Variants in MYO3B observed in about 807,000 individuals in gnomAD.
MYO3B encodes myosin IIIB, also known as myosin-IIIb.
MYO3B carries 156 observed loss-of-function variants against 174.6 expected under a neutral mutation model. That is an observed-to-expected ratio of 0.89 (90% CI 0.78 to 1.02). The LOEUF is 1.02. Ranked by LOEUF, MYO3B falls within the 50% of genes least tolerant of loss-of-function variation. The probability of loss-of-function intolerance (pLI) is 0.00; values close to 1 mark genes in which losing one functional copy is unlikely to be tolerated. For missense variants in MYO3B, 1,632 were observed against 1,639.4 expected, an observed-to-expected ratio of 1.00 and a Z score of 0.08; for synonymous variants, 563 against 569.1, an observed-to-expected ratio of 0.99 and a Z score of 0.15.
At chr2:170,289,362 A>G (rs2093579775) in intron 7 of MYO3B, among the ~76,000 whole-genome samples, 1 of 152,014 alleles carries the variant, frequency 6.6e-6, no homozygotes, top group South Asian at 2.1e-4. Context: ...CTTTGATGGG[A>G]AACTTTATTA....
At chr2:170,294,284 C>A (rs995468792) in intron 7 of MYO3B, among the ~76,000 whole-genome samples, 1 of 151,258 alleles carries the variant, frequency 6.6e-6, no homozygotes. Context: ...TTGCAGACAG[C>A]CCAATTTTTG....
chr2:170,181,951 G>A (rs542822578), intron 1 of MYO3B, among the ~76,000 whole-genome samples: 1 of 152,192 alleles, frequency 6.6e-6, no homozygotes, highest in East Asian at 1.9e-4. Context: ...TATCTCATTA[G>A]TTTGATTTGC....
intron 8 of MYO3B, among the ~76,000 whole-genome samples, chr2:170,345,763 C>G (rs927832358): frequency 2.0e-5 from 3 of 150,172 alleles, no homozygotes; most frequent in Admixed American, 1.3e-4. Context: ...AAGATGAGGT[C>G]ATACTGGAGT....
At position 170,382,300 on chromosome 2, in the gene MYO3B, G is replaced by T. The variant is rs1432050828; in HGVS notation, c.1068+188G>T. 1.5e-5 allele frequency: 7 copies of T among 456,492 alleles called. No homozygotes were observed. In the East Asian group the frequency reaches 1.8e-4, roughly 12 times the overall value. 28.3% of individuals were successfully genotyped at this position (456,492 alleles called of 1,614,324 possible). A position where few individuals can be genotyped will look rare whatever the true frequency, so the allele number is the denominator to read the frequency against. On this transcript the variant is annotated intron_variant, in intron 10 of 34. Transcript: ENST00000408978. ...ATCCTGTGCTGTGTTTATTTAGATA[G>T]CCCCTAGAATGATGAAGAGAAAAGG...
At chr2:170,383,909 C>A in intron 12 of MYO3B, 95 bp downstream of exon 12, 1 of 1,034,820 alleles carries the variant, frequency 9.7e-7, no homozygotes, top group Non-Finnish European at 1.5e-6. Flanking sequence ...CCTTTCCATT[C>A]CGGTTGCTGG....
intron 24 of MYO3B, among the ~76,000 whole-genome samples, chr2:170,463,856 C>T (rs140850893): frequency 1.8e-3 from 278 of 152,278 alleles, no homozygotes; most frequent in African/African-American, 6.5e-3. Flanking sequence ...TTTCTGCCAT[C>T]CCTATTTCTG....
intron 30 of MYO3B, among the ~76,000 whole-genome samples, chr2:170,533,830 T>C (rs1165501816): frequency 2.0e-5 from 3 of 152,236 alleles, no homozygotes; most frequent in African/African-American, 7.2e-5. Flanking sequence ...TATTTTGTTC[T>C]GCCCAGGAGA....
chr2:170,356,804 G>A (rs894193721), intron 8 of MYO3B, among the ~76,000 whole-genome samples: 10 of 151,544 alleles, frequency 6.6e-5, no homozygotes, highest in African/African-American at 2.2e-4. Context: ...TTAAGACAAG[G>A]TCTCACCCTG....
At chr2:170,308,276 C>T (rs554942217) in intron 7 of MYO3B, among the ~76,000 whole-genome samples, 3 of 152,290 alleles carry the variant, frequency 2.0e-5, no homozygotes, top group South Asian at 2.1e-4. Context: ...CTGTAGGCAG[C>T]GCCCTTTGGA....
At chr2:170,312,220 G>C (rs1339751216) in intron 7 of MYO3B, among the ~76,000 whole-genome samples, 4 of 152,218 alleles carry the variant, frequency 2.6e-5, no homozygotes, top group Admixed American at 2.6e-4. Flanking sequence ...TACAGTTCAG[G>C]TTTGTTGTGA....
Position 170,391,637 on chromosome 2 carries a change from G to A in MYO3B, c.1676+19G>A, listed in dbSNP as rs148575608. 43 of 1,422,140 alleles carry A rather than the reference G, an allele frequency of 3.0e-5. No individual in the cohort carries two copies. The highest frequency in any genetic ancestry group is 1.8e-4 in the Middle Eastern group (1 of 5,676). The allele number at this position is 1,422,140 out of a possible 1,614,324, so 88.1% of individuals were successfully genotyped here. A position where few individuals can be genotyped will look rare whatever the true frequency, so the allele number is the denominator to read the frequency against. Reference sequence around the variant, plus strand: ...CTCCTAGGTAAGTGTCAGGGGGGTTGGTTGTTAATTTTTGATGAATGTACG... The same window carrying A: ...CTCCTAGGTAAGTGTCAGGGGGGTTAGTTGTTAATTTTTGATGAATGTACG... On this transcript the variant is annotated intron_variant, in intron 15 of 34. Transcript: ENST00000408978.
intron 22 of MYO3B, among the ~76,000 whole-genome samples, chr2:170,427,385 A>G (rs2094673092): frequency 6.6e-6 from 1 of 152,358 alleles, no homozygotes; most frequent in South Asian, 2.1e-4. Context: ...CATAAAGCCA[A>G]GGTCTCCAAA....
intron 32 of MYO3B, among the ~76,000 whole-genome samples, chr2:170,572,782 A>G (rs951240279): frequency 2.0e-5 from 3 of 152,160 alleles, no homozygotes; most frequent in African/African-American, 7.2e-5. Context: ...AATATCTACA[A>G]ATATGTTTTG....
chr2:170,417,118 A>C (rs1333656177), intron 22 of MYO3B, among the ~76,000 whole-genome samples: 1 of 152,020 alleles, frequency 6.6e-6, no homozygotes, highest in African/African-American at 2.4e-5. Flanking sequence ...CCAGATCTTT[A>C]TGGGTCCATC....
intron 25 of MYO3B, among the ~76,000 whole-genome samples, chr2:170,476,384 C>A (rs1685322953): frequency 6.6e-6 from 1 of 152,168 alleles, no homozygotes; most frequent in South Asian, 2.1e-4. Context: ...TTTCTGTATC[C>A]CAAGCTCTTG....
At chr2:170,648,958 T>C (rs1466101106) in intron 32 of MYO3B, among the ~76,000 whole-genome samples, 1 of 65,210 alleles carries the variant, frequency 1.5e-5, no homozygotes, top group Non-Finnish European at 2.7e-5. Context: ...TAAAATAATA[T>C]ATAATGTATA....
At chr2:170,639,378 G>C (rs1329357451) in intron 32 of MYO3B, among the ~76,000 whole-genome samples, 1 of 152,100 alleles carries the variant, frequency 6.6e-6, no homozygotes, top group Non-Finnish European at 1.5e-5. Flanking sequence ...AGTTTGGGTG[G>C]CCATTTTCGC....
chr2:170,495,903 A>G (rs1686831514), intron 25 of MYO3B, among the ~76,000 whole-genome samples: 2 of 152,250 alleles, frequency 1.3e-5, no homozygotes, highest in South Asian at 4.1e-4. Flanking sequence ...TGCTGTGGCC[A>G]AAGCCAAGTC....
intron 22 of MYO3B, 84 bp downstream of exon 22, chr2:170,407,928 C>A: frequency 1.3e-6 from 2 of 1,491,836 alleles, no homozygotes; most frequent in Non-Finnish European, 9.2e-7. Context: ...TGAATACTGC[C>A]AGGGCTGCAC....
Sources: allele counts gnomAD v4.1 joint callset (sites outside exome capture counted in the v4.1 genomes callset), GRCh38; gene constraint gnomAD v4.1.1; transcripts MANE v1.5; gene names NCBI Gene and HGNC (gene_info 2026-07-23, HGNC 2026-07-21).